FIBCD1: variants seen among roughly 807,000 people sequenced by gnomAD.
FIBCD1 encodes the protein fibrinogen C domain-containing protein 1.
FIBCD1 carries 47 observed loss-of-function variants against 45.1 expected under a neutral mutation model. The observed-to-expected ratio is 1.04, with a 90% CI of 0.82 to 1.33. The LOEUF is 1.33. FIBCD1 is among the 40% of genes most tolerant of loss of function. The pLI is 0.00. For missense variants in FIBCD1, 653 were observed against 682.2 expected (o/e 0.96, Z 0.48); for synonymous variants, 313 against 308.1 (o/e 1.02, Z -0.17).
chr9:130,934,616 G>A (rs1832491862), intron 1 of FIBCD1, among the ~76,000 whole-genome samples: 1 of 152,156 alleles, frequency 6.6e-6, no homozygotes, highest in Non-Finnish European at 1.5e-5. Context: ...TAAGGGTCTT[G>A]CCCACCCTCC....
intron 2 of FIBCD1, among the ~76,000 whole-genome samples, chr9:130,928,416 ACCCCCAG>A (rs1364541652): frequency 1.3e-5 from 2 of 151,918 alleles, no homozygotes; most frequent in African/African-American, 4.8e-5. Flanking sequence ...GTCAGGAGGT[ACCCCCAG>A]CCCCCAGCCC....
chr9:130,916,260 T>G (rs577818594), intron 4 of FIBCD1, among the ~76,000 whole-genome samples: 2 of 152,234 alleles, frequency 1.3e-5, no homozygotes, highest in Admixed American at 1.3e-4. Flanking sequence ...TCATGTTCTA[T>G]TCCACTCTAT....
At chr9:130,930,869 G>A in intron 1 of FIBCD1, 1 of 453,914 alleles carries the variant, frequency 2.2e-6, no homozygotes. Context: ...TGCAACAGCA[G>A]CGATGCTATA....
intron 4 of FIBCD1, among the ~76,000 whole-genome samples, chr9:130,917,245 C>G (rs908360383): frequency 2.0e-5 from 3 of 152,242 alleles, no homozygotes; most frequent in Non-Finnish European, 2.9e-5. Flanking sequence ...AGTAGAAACA[C>G]TCGCCGCAGC....
At chr9:130,918,546 G>A (rs909730085) in intron 4 of FIBCD1, among the ~76,000 whole-genome samples, 3 of 152,342 alleles carry the variant, frequency 2.0e-5, no homozygotes, top group Middle Eastern at 3.4e-3. Context: ...CCAGCCTCCC[G>A]GGCTTTCTGA....
At chr9:130,916,926 C>T (rs1464524034) in intron 4 of FIBCD1, among the ~76,000 whole-genome samples, 1 of 152,158 alleles carries the variant, frequency 6.6e-6, no homozygotes, top group Non-Finnish European at 1.5e-5. Flanking sequence ...GGTGAAACCC[C>T]ATCTCTACTA....
Position 130,923,880 on chromosome 9 carries a change from C to A in FIBCD1, c.713G>T (p.Gly238Val), listed in dbSNP as rs767051696. ...RGTRPRGCAT[G>V]SRPRDCLDVL... ...GTCCAGACAGTCTCGGGGCCGGGAG[C>A]CTGAGGGAGGCAAGGCTGTCAGGGT... The change falls in exon 4 of 7, where the codon GGC becomes GTC. Residue 238 changes from glycine (G) to valine (V), a missense_variant and splice_region_variant. By Grantham distance (109) the Gly-to-Val change is moderately radical. Transcript: ENST00000372338. 4 of 1,612,340 alleles carry A rather than the reference C, an allele frequency of 2.5e-6. No homozygotes were observed. The highest frequency in any genetic ancestry group is 3.4e-6 in the Non-Finnish European group (4 of 1,179,974).
At chr9:130,925,301 G>C (rs1424024936) in intron 2 of FIBCD1, among the ~76,000 whole-genome samples, 2 of 152,172 alleles carry the variant, frequency 1.3e-5, no homozygotes, top group African/African-American at 4.8e-5. Context: ...ATGGCACTGG[G>C]GGCAGGGACC....
chr9:130,919,189 C>A (rs1217441626), intron 4 of FIBCD1, among the ~76,000 whole-genome samples: 1 of 152,218 alleles, frequency 6.6e-6, no homozygotes, highest in Non-Finnish European at 1.5e-5. Flanking sequence ...TTGAAAAACC[C>A]AAACTGCTCC....
chr9:130,923,810 A>G lies in FIBCD1; in HGVS notation c.783T>C (p.Phe261=). The G allele has an allele frequency of 1.2e-6, 2 of 1,612,892 alleles. No homozygotes were observed. The highest frequency in any genetic ancestry group is 1.3e-5 in the African/African-American group (1 of 75,026). The change falls in exon 4 of 7, where the codon TTT becomes TTC. Residue 261 remains phenylalanine (F), a synonymous_variant. Transcript: ENST00000372338. Reference sequence around the variant, plus strand: ...GGAAGCCGGCCGGGTAGTGGGTGGGAAAGACAGAGTAGACGCCATCGTCCT... The same window carrying G: ...GGAAGCCGGCCGGGTAGTGGGTGGGGAAGACAGAGTAGACGCCATCGTCCT... ...GQQDDGVYSV[F]PTHYPAGFQV... is the part of the protein sequence containing the mutation.
chr9:130,929,486 C>T, intron 2 of FIBCD1, 81 bp downstream of exon 2: 4 of 1,460,510 alleles, frequency 2.7e-6, no homozygotes, highest in Non-Finnish European at 2.7e-6. Flanking sequence ...AGGCCATGGA[C>T]ATCAGGCGCC....
At chr9:130,912,745 G>A (rs1228489831) in intron 4 of FIBCD1, among the ~76,000 whole-genome samples, 2 of 138,152 alleles carry the variant, frequency 1.4e-5, no homozygotes, top group Non-Finnish European at 3.2e-5. Flanking sequence ...GAGGAAAGCC[G>A]GCTTTGGGGG....
At chr9:130,912,171 T>C (rs1397160851) in intron 4 of FIBCD1, among the ~76,000 whole-genome samples, 1 of 151,822 alleles carries the variant, frequency 6.6e-6, no homozygotes, top group Non-Finnish European at 1.5e-5. Flanking sequence ...GCATGGTGGC[T>C]CATGCCCGGA....
chr9:130,916,461 C>T (rs1032264177), intron 4 of FIBCD1, among the ~76,000 whole-genome samples: 4 of 152,318 alleles, frequency 2.6e-5, no homozygotes, highest in East Asian at 1.9e-4. Flanking sequence ...CTGCCCCGAC[C>T]TCGAGCCAAT....
At chr9:130,930,346 A>G (rs948177320) in intron 1 of FIBCD1, among the ~76,000 whole-genome samples, 34 of 149,130 alleles carry the variant, frequency 2.3e-4, no homozygotes, top group African/African-American at 8.0e-4. Flanking sequence ...GGGGAGACGC[A>G]GGGAGATGCA....
intron 1 of FIBCD1, among the ~76,000 whole-genome samples, chr9:130,935,091 CTAAA>C (rs138510348): frequency 0.058 from 8,790 of 152,206 alleles, 310 homozygotes; most frequent in South Asian, 0.12. Flanking sequence ...TAGGGCCTCC[CTAAA>C]TAGTCACTGA....
chr9:130,906,386 C>G (rs762759233), intron 5 of FIBCD1, among the ~76,000 whole-genome samples: 2 of 152,230 alleles, frequency 1.3e-5, no homozygotes, highest in South Asian at 4.1e-4. Context: ...CCGCACCTCC[C>G]GGGGTCAGTG....
rs769443515 is a variant in FIBCD1 at position 130,911,849 on chromosome 9, G to T, written c.889C>A (p.Arg297=). The T allele has an allele frequency of 6.2e-7, 1 of 1,602,550 alleles. No homozygotes were observed. Among genetic ancestry groups the T allele is most frequent in the Non-Finnish European group, 8.5e-7 (1 of 1,175,450 alleles). Reference sequence around the variant, plus strand: ...CCGTCTCGGTACGCATCCCAGCCCCGGAAGAAGTTCACGGAGCCGTCCTCC... The same window carrying T: ...CCGTCTCGGTACGCATCCCAGCCCCTGAAGAAGTTCACGGAGCCGTCCTCC... ...RREDGSVNFF[R]GWDAYRDGFG... The change falls in exon 5 of 7, where the codon CGG becomes AGG. Residue 297 remains arginine, a synonymous_variant. Transcript: ENST00000372338.
chr9:130,940,222 C>T (rs1832600100), upstream of FIBCD1, among the ~76,000 whole-genome samples: 1 of 152,190 alleles, frequency 6.6e-6, no homozygotes, highest in Non-Finnish European at 1.5e-5. Context: ...GGGGCACTCC[C>T]TGGACCCCGG....
Sources: allele counts gnomAD v4.1 joint callset (sites outside exome capture counted in the v4.1 genomes callset), GRCh38; gene constraint gnomAD v4.1.1; transcripts MANE v1.5; gene names NCBI Gene and HGNC (gene_info 2026-07-23, HGNC 2026-07-21).